Variants in ZEB1 observed in about 807,000 individuals in gnomAD.
ZEB1 encodes zinc finger E-box binding homeobox 1.
In ZEB1, 21 loss-of-function variants were observed where a neutral mutation model predicts 84.9. The observed-to-expected ratio is 0.25, with a 90% confidence interval of 0.18 to 0.36. The LOEUF (loss-of-function observed/expected upper bound fraction) is 0.36, where lower values mean the gene tolerates loss of function less well. Among genes scored for constraint, ZEB1 ranks in the 10% least tolerant of loss-of-function variants. ZEB1 has a pLI of 1.00. For synonymous variants in ZEB1, 420 were observed against 471.1 expected, an observed-to-expected ratio of 0.89 and a Z score of 1.41; for missense variants, 1,104 against 1,330.2, an observed-to-expected ratio of 0.83 and a Z score of 2.65.
At chr10:31,423,096 G>A (rs928331075) in intron 1 of ZEB1, among the ~76,000 whole-genome samples, 8 of 151,884 alleles carry the variant, frequency 5.3e-5, no homozygotes, top group Non-Finnish European at 8.8e-5. Flanking sequence ...ACTTTTTCAT[G>A]TGAGAATTCT....
chr10:31,403,123 C>T (rs2135527674), intron 1 of ZEB1, among the ~76,000 whole-genome samples: 1 of 152,126 alleles, frequency 6.6e-6, no homozygotes, highest in East Asian at 1.9e-4. Context: ...AGTTTTATTA[C>T]TCTACTAGCT....
chr10:31,414,059 G>C (rs532304296), intron 1 of ZEB1, among the ~76,000 whole-genome samples: 9 of 151,984 alleles, frequency 5.9e-5, no homozygotes, highest in Non-Finnish European at 1.0e-4. Flanking sequence ...TTGACTTATC[G>C]TTTCCTTTTA....
chr10:31,456,431 T>C (rs1031245356), intron 1 of ZEB1, among the ~76,000 whole-genome samples: 2 of 152,076 alleles, frequency 1.3e-5, no homozygotes, highest in Non-Finnish European at 2.9e-5. Flanking sequence ...AGGATGATAT[T>C]ATGCTGTAAT....
intron 1 of ZEB1, among the ~76,000 whole-genome samples, chr10:31,339,918 T>C (rs1000133930): frequency 6.6e-6 from 1 of 152,138 alleles, no homozygotes; most frequent in African/African-American, 2.4e-5. Context: ...ATTTCTCTAC[T>C]AGGGAGAGGA....
intron 1 of ZEB1, among the ~76,000 whole-genome samples, chr10:31,411,505 G>A (rs1471303228): frequency 4.6e-5 from 7 of 152,046 alleles, no homozygotes; most frequent in East Asian, 1.9e-4. Context: ...GGTGGCGGGC[G>A]CCTGTAGTCC....
intron 1 of ZEB1, among the ~76,000 whole-genome samples, chr10:31,415,640 C>T (rs1374023768): frequency 1.3e-5 from 2 of 151,962 alleles, no homozygotes; most frequent in East Asian, 3.9e-4. Context: ...TTTAACATAC[C>T]TTCATCAGTT....
intron 4 of ZEB1, among the ~76,000 whole-genome samples, chr10:31,504,796 G>A (rs1288711487): frequency 6.6e-6 from 1 of 151,998 alleles, no homozygotes; most frequent in African/African-American, 2.4e-5. Context: ...TTTTTATGTT[G>A]AGTTTTGTAT....
chr10:31,383,465 A>T (rs11008477), intron 1 of ZEB1, among the ~76,000 whole-genome samples: 2,168 of 152,338 alleles, frequency 0.014, 53 homozygotes, highest in African/African-American at 0.049. Context: ...AAGTATGTAC[A>T]TAACTAAATG....
chr10:31,369,349 A>G (rs1038642311), intron 1 of ZEB1, among the ~76,000 whole-genome samples: 1 of 151,354 alleles, frequency 6.6e-6, no homozygotes, highest in African/African-American at 2.4e-5. Context: ...CCCTTGATCA[A>G]CTCCCCCCAC....
chr10:31,428,520 A>C (rs554879354), intron 1 of ZEB1, among the ~76,000 whole-genome samples: 7 of 152,348 alleles, frequency 4.6e-5, no homozygotes, highest in African/African-American at 1.7e-4. Context: ...TGGCAATGAA[A>C]AGAATGTACA....
At chr10:31,455,287 TA>T (rs1381762877) in intron 1 of ZEB1, among the ~76,000 whole-genome samples, 2 of 152,190 alleles carry the variant, frequency 1.3e-5, no homozygotes, top group Non-Finnish European at 2.9e-5. Context: ...GACTGAAACG[TA>T]AGACCTAAAA....
intron 1 of ZEB1, among the ~76,000 whole-genome samples, chr10:31,411,665 A>C (rs1325490602): frequency 6.8e-6 from 1 of 147,744 alleles, no homozygotes; most frequent in Admixed American, 6.7e-5. Context: ...AAGCAGCATT[A>C]GGAGAGAAAT....
Position 31,512,344 on chromosome 10 carries a change from C to A in ZEB1, c.687+1469C>A, listed in dbSNP as rs73243713. On this transcript the variant is annotated intron_variant, in intron 5 of 8. Coordinates refer to ENST00000424869, the MANE Select transcript of ZEB1 (RefSeq NM_001174096.2). ...CAAAATCTTTGATGAGCATGAAAACCAATTCTATGATGATTTTTCCAGTGG... is the reference window on the plus strand; with the variant it reads ...CAAAATCTTTGATGAGCATGAAAACAAATTCTATGATGATTTTTCCAGTGG... Among the ~76,000 whole-genome samples, 1,518 of 152,186 alleles carry A rather than the reference C, an allele frequency of 1.0e-2. 26 individuals carry two copies. Among genetic ancestry groups the A allele is most frequent in the African/African-American group, 0.035 (1,442 of 41,516 alleles).
intron 1 of ZEB1, among the ~76,000 whole-genome samples, chr10:31,339,288 A>C (rs2038883449): frequency 6.6e-6 from 1 of 152,154 alleles, no homozygotes; most frequent in Non-Finnish European, 1.5e-5. Context: ...TAACAGGCAA[A>C]ACACATGACT....
intron 1 of ZEB1, among the ~76,000 whole-genome samples, chr10:31,393,971 C>T (rs2050243482): frequency 6.6e-6 from 1 of 152,098 alleles, no homozygotes; most frequent in African/African-American, 2.4e-5. Flanking sequence ...TAAATATATT[C>T]AGTCATCAAA....
At chr10:31,405,074 GA>G (rs2052727983) in intron 1 of ZEB1, among the ~76,000 whole-genome samples, 1 of 152,104 alleles carries the variant, frequency 6.6e-6, no homozygotes, top group Admixed American at 6.6e-5. Context: ...CTGCAGATGA[GA>G]AATAACAGGA....
chr10:31,446,880 G>C (rs1274395814), intron 1 of ZEB1, among the ~76,000 whole-genome samples: 1 of 152,068 alleles, frequency 6.6e-6, no homozygotes, highest in Non-Finnish European at 1.5e-5. Context: ...TGAAAAAAAT[G>C]TATATTCTTT....
At chr10:31,363,504 C>T in intron 1 of ZEB1, 1 of 1,530,380 alleles carries the variant, frequency 6.5e-7, no homozygotes, top group East Asian at 2.4e-5. Context: ...AGGCTGCTTC[C>T]CCATTGCTAC....
chr10:31,364,262 C>A (rs893478275), intron 1 of ZEB1, among the ~76,000 whole-genome samples: 1 of 152,156 alleles, frequency 6.6e-6, no homozygotes, highest in African/African-American at 2.4e-5. Context: ...TGAGACCCTT[C>A]CACCGGTCCA....
Sources: gnomAD v4.1 joint callset for allele counts (sites outside exome capture counted in the v4.1 genomes callset) on GRCh38, gnomAD v4.1.1 for gene constraint, MANE v1.5 for transcripts, NCBI Gene and HGNC (gene_info 2026-07-23, HGNC 2026-07-21) for gene names.